Variants in NXN observed in about 807,000 individuals in gnomAD.
The protein encoded by NXN is nucleoredoxin.
In NXN, 16 loss-of-function variants were observed where a neutral mutation model predicts 48.6. That is an observed-to-expected ratio of 0.33 (90% confidence interval 0.22 to 0.50). The LOEUF (loss-of-function observed/expected upper bound fraction) is 0.50. Ranked by LOEUF, NXN falls within the 20% of genes least tolerant of loss-of-function variation. The pLI, the probability that NXN is intolerant of heterozygous loss-of-function variation, is 0.98. For synonymous variants in NXN, 281 were observed against 269.6 expected, an observed-to-expected ratio of 1.04 and a Z score of -0.41; for missense variants, 492 against 605.5, an observed-to-expected ratio of 0.81 and a Z score of 1.97.
chr17:803,957 C>A, intron 6 of NXN, 151 bp from the exon 7 acceptor site: 1 of 940,292 alleles, frequency 1.1e-6, no homozygotes, highest in Non-Finnish European at 1.6e-6. Context: ...GCAGGTCTTG[C>A]TCCCCGCATG....
At chr17:923,938 CTT>C (rs2068772253) in intron 1 of NXN, among the ~76,000 whole-genome samples, 2 of 152,082 alleles carry the variant, frequency 1.3e-5, no homozygotes, top group Admixed American at 1.3e-4. Context: ...TTAAACCCCA[CTT>C]TTGTATTTTT....
chr17:823,839 C>A (rs894331338), intron 2 of NXN, 74 bp from the exon 3 acceptor site: 2 of 1,512,966 alleles, frequency 1.3e-6, no homozygotes, highest in Admixed American at 1.9e-5. Flanking sequence ...GACTTCAGAG[C>A]GGTTAAGACT....
At chr17:900,540 T>C (rs370443795) in intron 1 of NXN, among the ~76,000 whole-genome samples, 95 of 152,256 alleles carry the variant, frequency 6.2e-4, no homozygotes, top group Admixed American at 1.1e-3. Flanking sequence ...TGGCAAACCA[T>C]GGCATCAGGA....
At chr17:804,108 G>A (rs541235428) in intron 6 of NXN, 3 of 311,468 alleles carry the variant, frequency 9.6e-6, no homozygotes, top group East Asian at 1.4e-4. Context: ...TCACAAACCC[G>A]CCTGGGAGGC....
At chr17:810,670 C>A (rs2474684) in intron 5 of NXN, among the ~76,000 whole-genome samples, 46,148 of 151,956 alleles carry the variant, frequency 0.3, 7,311 homozygotes, top group East Asian at 0.4. Flanking sequence ...CAGGTGGATC[C>A]CCTGAGGTCA....
At chr17:968,755 T>A (rs997943747) in intron 1 of NXN, among the ~76,000 whole-genome samples, 1 of 151,712 alleles carries the variant, frequency 6.6e-6, no homozygotes, top group African/African-American at 2.4e-5. Context: ...CTCGTCAAGA[T>A]AGTGAAACCC....
chr17:799,921 G>C lies in NXN; in HGVS notation c.*1028C>G, dbSNP rs1236366566. ...ACCTGAGGTCAGGAGTTCGAGACCA[G>C]CCTGGCCAACATGGTGAAACCCCAT... On this transcript the variant is annotated 3_prime_UTR_variant, in exon 8 of 8. Transcript: ENST00000336868. 1 of 152,262 alleles carries C rather than the reference G, an allele frequency of 6.6e-6. No homozygotes were observed. The highest frequency in any genetic ancestry group is 1.5e-5 in the Non-Finnish European group (1 of 68,072). 9.4% of individuals were successfully genotyped at this position (152,262 alleles called of 1,614,324 possible).
At position 926,831 on chromosome 17, in the gene NXN, C is replaced by T. The variant is rs537541786; in HGVS notation, c.360+52488G>A. 1.1e-4 allele frequency among the ~76,000 whole-genome samples: 17 copies of T among 152,116 alleles called. No homozygotes were observed. The Middle Eastern group carries it at 0.01, about 91-fold the overall frequency. Reference sequence around the variant, plus strand: ...AGCTGGGATTCCAGGCGTGAGCCAACGTGTCTGGCCATCCCACACATCCCT... The same window carrying T: ...AGCTGGGATTCCAGGCGTGAGCCAATGTGTCTGGCCATCCCACACATCCCT... On this transcript the variant is annotated intron_variant, in intron 1 of 7. Transcript: ENST00000336868.
intron 1 of NXN, among the ~76,000 whole-genome samples, chr17:841,663 C>G (rs62067135): frequency 0.077 from 4,403 of 57,274 alleles, 241 homozygotes; most frequent in Non-Finnish European, 0.097. Flanking sequence ...CATCTCACGC[C>G]GGCGAGCAGG....
intron 1 of NXN, among the ~76,000 whole-genome samples, chr17:893,480 A>G (rs949479055): frequency 3.0e-4 from 45 of 152,368 alleles, no homozygotes; most frequent in Admixed American, 2.4e-3. Flanking sequence ...GTAGCGTGAC[A>G]TAAGAAATGG....
intron 1 of NXN, among the ~76,000 whole-genome samples, chr17:936,774 T>TCACAGAG (rs2068912640): frequency 6.7e-6 from 1 of 150,070 alleles, no homozygotes; most frequent in Non-Finnish European, 1.5e-5. Context: ...ACGAGATACT[T>TCACAGAG]CACAGAGGTA....
At position 877,034 on chromosome 17, in the gene NXN, T is replaced by G. The variant is rs537254634; in HGVS notation, c.361-50956A>C. Among the ~76,000 whole-genome samples, 352 of 150,664 alleles carry G rather than the reference T, an allele frequency of 2.3e-3. 1 individual carries two copies. Among genetic ancestry groups the G allele is most frequent in the African/African-American group, 6.9e-3 (282 of 40,976 alleles). On this transcript the variant is annotated intron_variant, in intron 1 of 7. Coordinates refer to ENST00000336868, the MANE Select transcript of NXN (RefSeq NM_022463.5). The stretch of plus-strand genomic sequence containing the variant: ...GGCAGAGGTTGCAGTGAGCTGAGAT[T>G]GCACCACTGCACTCCAGCCTGGGTG...
intron 1 of NXN, among the ~76,000 whole-genome samples, chr17:915,644 C>T (rs1006185390): frequency 3.3e-5 from 5 of 152,160 alleles, no homozygotes; most frequent in East Asian, 3.8e-4. Context: ...CATAGTGTAA[C>T]GCTTCCGAGC....
chr17:809,888 G>A (rs77919641), intron 5 of NXN, among the ~76,000 whole-genome samples: 2 of 128,410 alleles, frequency 1.6e-5, no homozygotes, highest in African/African-American at 5.5e-5. Flanking sequence ...TGGCGTGTAC[G>A]TTAAGAGTCC....
intron 5 of NXN, among the ~76,000 whole-genome samples, chr17:810,617 C>T (rs1454003342): frequency 1.3e-5 from 2 of 152,162 alleles, no homozygotes; most frequent in East Asian, 1.9e-4. Context: ...GAGCCGGGCA[C>T]GGTGGCTCAC....
At chr17:880,484 C>T (rs2068271748) in intron 1 of NXN, among the ~76,000 whole-genome samples, 1 of 152,090 alleles carries the variant, frequency 6.6e-6, no homozygotes, top group Admixed American at 6.6e-5. Context: ...TTGGAAATGA[C>T]CCATTTCCCC....
chr17:959,232 C>A, intron 1 of NXN: 1 of 975,562 alleles, frequency 1.0e-6, no homozygotes, highest in Non-Finnish European at 1.4e-6. Flanking sequence ...CCTGCAGATA[C>A]CCCAGCTCCC....
In NXN at chr17:800,605, C is replaced by G. The variant is rs376031497; in HGVS notation, c.*344G>C. The G allele has an allele frequency of 5.2e-5, 9 of 174,350 alleles. No homozygotes were observed. In the East Asian group the frequency reaches 1.2e-3, roughly 22 times the overall value. The allele number at this position is 174,350 out of a possible 1,614,324, so 10.8% of individuals were successfully genotyped here. A position where few individuals can be genotyped will look rare whatever the true frequency, so the allele number is the denominator to read the frequency against. ...GCCGACGTCAGAGTCAGAGCCCGAG[C>G]GGGACCCACCGGCCCTCCACGCTCA... On this transcript the variant is annotated 3_prime_UTR_variant, in exon 8 of 8. Transcript: ENST00000336868.
chr17:808,396 G>A (rs547105884), intron 5 of NXN, among the ~76,000 whole-genome samples: 26 of 150,960 alleles, frequency 1.7e-4, no homozygotes, highest in Admixed American at 5.3e-4. Flanking sequence ...TCCACCTCCC[G>A]GGTTCAAGCG....
Sources: gnomAD v4.1 joint callset for allele counts (sites outside exome capture counted in the v4.1 genomes callset) on GRCh38, gnomAD v4.1.1 for gene constraint, MANE v1.5 for transcripts, NCBI Gene and HGNC (gene_info 2026-07-23, HGNC 2026-07-21) for gene names.